Variants in SETX observed in about 807,000 individuals in gnomAD.
SETX encodes the protein helicase senataxin.
Under a neutral mutation model 227.2 loss-of-function variants are expected in SETX, and 90 were observed. The observed-to-expected ratio is 0.40, with a 90% CI of 0.33 to 0.47. The LOEUF (loss-of-function observed/expected upper bound fraction) is 0.47, where lower values mean the gene tolerates loss of function less well. Among genes scored for constraint, SETX ranks in the 20% least tolerant of loss-of-function variants. The probability of loss-of-function intolerance (pLI) is 0.91; values close to 1 mark genes in which losing one functional copy is unlikely to be tolerated. For missense variants in SETX, 3,052 were observed against 3,181.5 expected, an observed-to-expected ratio of 0.96 and a Z score of 0.98; for synonymous variants, 1,210 against 1,113.2, an observed-to-expected ratio of 1.09 and a Z score of -1.73.
intron 2 of SETX, among the ~76,000 whole-genome samples, chr9:132,352,420 G>A (rs947850445): frequency 1.3e-4 from 20 of 152,102 alleles, no homozygotes; most frequent in Non-Finnish European, 2.6e-4. Flanking sequence ...TTCAACTACT[G>A]CCTAGATTGA....
rs397741391 is a variant in SETX at position 132,265,224 on chromosome 9, G to GTTT, written c.7288-242_7288-240dup. 5.0e-3 allele frequency among the ~76,000 whole-genome samples: 535 copies of GTTT among 106,390 alleles called. 22 individuals carry two copies. Among genetic ancestry groups the GTTT allele is most frequent in the African/African-American group, 0.013 (338 of 26,318 alleles). The allele number at this position is 106,390 out of a possible 152,430, so 69.8% of individuals were successfully genotyped here. On this transcript the variant is annotated intron_variant, in intron 25 of 25. Transcript: ENST00000224140. ...CCTATAATGGAGAACTTCAACTTTT[G>GTTT]TTTTTTTTTTTTTTTTTTTTGAGAC...
chr9:132,317,218 T>C (rs1044980139), intron 10 of SETX, among the ~76,000 whole-genome samples: 3 of 152,210 alleles, frequency 2.0e-5, no homozygotes, highest in African/African-American at 7.2e-5. Flanking sequence ...TCTTCTTCCA[T>C]GTTTCCTAAC....
rs557347174 is a variant in SETX, at chr9:132,264,739, G to T, written c.7534C>A (p.Pro2512Thr). The change falls in exon 26 of 26, where the codon CCC becomes ACC. Residue 2512 changes from proline to threonine, a missense_variant. Physicochemically the swap from Pro to Thr is conservative, Grantham distance 38. Around this residue, in one of 10 missense-constraint regions of SETX, gnomAD observed 294 missense variants for 278.8 expected, o/e 1.05. Coordinates refer to ENST00000224140, the MANE Select transcript of SETX (RefSeq NM_015046.7). Reference sequence around the variant, plus strand: ...AGAGTAATTTCCTTGGAGTCAGAGGGTGTGTGGTATAGAGAAGCAGCAACA... The same window carrying T: ...AGAGTAATTTCCTTGGAGTCAGAGGTTGTGTGGTATAGAGAAGCAGCAACA... ...TSVAASLYHT[P>T]SDSKEITLTV... 3.1e-6 allele frequency: 5 copies of T among 1,614,218 alleles called. No homozygotes were observed. In the African/African-American group the frequency reaches 5.3e-5, roughly 17 times the overall value.
intron 10 of SETX, among the ~76,000 whole-genome samples, chr9:132,326,045 T>C (rs999053983): frequency 2.6e-5 from 4 of 151,618 alleles, no homozygotes; most frequent in Non-Finnish European, 5.9e-5. Flanking sequence ...ATCGAAACGG[T>C]CAATTTTAAT....
intron 10 of SETX, among the ~76,000 whole-genome samples, chr9:132,317,399 A>AT (rs1347403123): frequency 2.6e-5 from 4 of 152,208 alleles, no homozygotes; most frequent in African/African-American, 9.7e-5. Flanking sequence ...GTATCACTGA[A>AT]TATCTGTAGC....
At chr9:132,273,750 A>T (rs1181288100) in intron 23 of SETX, among the ~76,000 whole-genome samples, 1 of 152,028 alleles carries the variant, frequency 6.6e-6, no homozygotes. Context: ...ATGAAGAGAG[A>T]GTTTTACTTT....
At chr9:132,316,768 C>A (rs931803365) in intron 10 of SETX, among the ~76,000 whole-genome samples, 2 of 152,176 alleles carry the variant, frequency 1.3e-5, no homozygotes, top group African/African-American at 4.8e-5. Flanking sequence ...AAGGGTCTCC[C>A]ACTGTTTCTC....
intron 11 of SETX, among the ~76,000 whole-genome samples, chr9:132,311,159 G>T (rs1845630725): frequency 6.6e-6 from 1 of 152,110 alleles, no homozygotes; most frequent in Admixed American, 6.6e-5. Flanking sequence ...TAGAAACGGG[G>T]TTTCACCATG....
In SETX at chr9:132,326,948, C is replaced by G. The variant is rs1283827022; in HGVS notation, c.4650G>C (p.Lys1550Asn). 1.9e-6 allele frequency: 3 copies of G among 1,614,086 alleles called. No homozygotes were observed. The highest frequency in any genetic ancestry group is 2.7e-5 in the African/African-American group (2 of 74,928). The change falls in exon 10 of 26, where the codon AAG becomes AAC. Residue 1550 changes from lysine (K) to asparagine (N), a missense_variant. By Grantham distance (94) the Lys-to-Asn change is moderately conservative. This residue lies in a region of SETX where 1,483 missense variants were observed against 1,312.0 expected (regional missense o/e 1.13). Coordinates refer to ENST00000224140, the MANE Select transcript of SETX (RefSeq NM_015046.7). ...TTGTGGTTTCAAGACAATCTTTGTA[C>G]TTACACTTTGTGCCACTCAAAGATT... is the stretch of plus-strand genomic sequence containing the variant. Reference protein sequence around the residue: ...QLESLSGTKCKYKDCLETTKN... With the variant: ...QLESLSGTKCNYKDCLETTKN...
chr9:132,333,706 T>C (rs1847413150), intron 7 of SETX, among the ~76,000 whole-genome samples: 1 of 152,122 alleles, frequency 6.6e-6, no homozygotes, highest in Admixed American at 6.6e-5. Context: ...GGTCAGGATC[T>C]AATAATAAAC....
intron 11 of SETX, among the ~76,000 whole-genome samples, chr9:132,302,207 A>T (rs954829587): frequency 6.6e-6 from 1 of 151,590 alleles, no homozygotes; most frequent in Non-Finnish European, 1.5e-5. Context: ...AATACAAAAA[A>T]TTAGCCGGGC....
At chr9:132,305,004 G>GA (rs1345017198) in intron 11 of SETX, among the ~76,000 whole-genome samples, 5 of 148,734 alleles carry the variant, frequency 3.4e-5, no homozygotes, top group Admixed American at 6.7e-5. Flanking sequence ...CAAAAAAAAA[G>GA]AAAAAAAAGA....
chr9:132,333,484 A>C (rs1847397561), intron 7 of SETX, among the ~76,000 whole-genome samples: 1 of 149,876 alleles, frequency 6.7e-6, no homozygotes, highest in Admixed American at 6.7e-5. Flanking sequence ...GAATAACATT[A>C]ATATATTTAT....
chr9:132,265,146 A>C (rs1842578071), intron 25 of SETX, among the ~76,000 whole-genome samples, 161 bp from the exon 26 acceptor site: 1 of 151,334 alleles, frequency 6.6e-6, no homozygotes, highest in African/African-American at 2.4e-5. Flanking sequence ...GAAAAAATAA[A>C]TTCAAATAAA....
chr9:132,352,740 G>A (rs905080182), intron 2 of SETX, among the ~76,000 whole-genome samples: 1 of 152,184 alleles, frequency 6.6e-6, no homozygotes, highest in Non-Finnish European at 1.5e-5. Flanking sequence ...TGCATACAGT[G>A]TATCTCTACT....
rs759395503 is a variant in SETX, at chr9:132,288,284, A to G, written c.6276T>C (p.Asp2092=). The G allele has an allele frequency of 1.5e-5, 25 of 1,614,122 alleles. No homozygotes were observed. The Admixed American group carries it at 2.0e-4, about 13-fold the overall frequency. The stretch of plus-strand genomic sequence containing the variant: ...ATAGAGCTCGCTGCCGGGAAAGCTC[A>G]TCCAGCTGATAATCTAGAAATTCCT... ...KRKEFLDYQL[D]ELSRQRALCR... Residue 2092 remains aspartate, a synonymous_variant, in exon 17 of 26, where the codon GAT becomes GAC. Transcript: ENST00000224140.
chr9:132,290,830 G>C (rs973583838), intron 15 of SETX, among the ~76,000 whole-genome samples: 2 of 148,510 alleles, frequency 1.3e-5, no homozygotes, highest in African/African-American at 5.1e-5. Context: ...GGGGAGGCAA[G>C]ACCAGTTTCA....
Position 132,315,372 on chromosome 9 carries a change from T to C in SETX, c.5275-3516A>G, listed in dbSNP as rs189290069. 1.4e-3 allele frequency among the ~76,000 whole-genome samples: 207 copies of C among 152,282 alleles called. 1 individual carries two copies. Among genetic ancestry groups the C allele is most frequent in the African/African-American group, 4.7e-3 (195 of 41,550 alleles). ...GCAACTGACATTCATCTCCATGTCC[T>C]GTCCCCTTTCAATACAAAAGTCTAA... On this transcript the variant is annotated intron_variant, in intron 10 of 25. Transcript: ENST00000224140.
chr9:132,305,353 C>CAAAAAAAA, intron 11 of SETX, among the ~76,000 whole-genome samples: 1 of 70,110 alleles, frequency 1.4e-5, no homozygotes, highest in Non-Finnish European at 2.9e-5. Context: ...GACTCCGTCT[C>CAAAAAAAA]AAAAAAAAAA....
Sources: allele counts gnomAD v4.1 joint callset (sites outside exome capture counted in the v4.1 genomes callset), GRCh38; gene constraint gnomAD v4.1.1; regional missense constraint gnomAD v4.1.1; transcripts MANE v1.5; gene names NCBI Gene and HGNC (gene_info 2026-07-23, HGNC 2026-07-21).